Variants in RPN1 observed in about 807,000 individuals in gnomAD.
RPN1 encodes ribophorin I, also known as dolichyl-diphosphooligosaccharide--protein glycosyltransferase subunit 1.
Under a neutral mutation model 55.5 loss-of-function variants are expected in RPN1, and 12 were observed. The observed-to-expected ratio is 0.22, with a 90% CI of 0.14 to 0.35. RPN1 has a LOEUF of 0.35. Among genes scored for constraint, RPN1 ranks in the 10% least tolerant of loss-of-function variants. The pLI, the probability that RPN1 is intolerant of heterozygous loss-of-function variation, is 1.00. For missense variants in RPN1, 679 were observed against 761.3 expected (o/e 0.89, Z 1.27); for synonymous variants, 317 against 305.9 (o/e 1.04, Z -0.38).
At position 128,620,393 on chromosome 3, in the gene RPN1, G is replaced by A; in HGVS notation, c.*18C>T. 6.2e-7 allele frequency: 1 copy of A among 1,601,814 alleles called. No homozygotes were observed. The highest frequency in any genetic ancestry group is 8.5e-7 in the Non-Finnish European group (1 of 1,171,496). ...AAAGTGCAGGCACCCTGGGCCCCCT[G>A]GAGGATGCGGGCAGGGGCTACAGGG... On this transcript the variant is annotated 3_prime_UTR_variant, in exon 10 of 10. Coordinates refer to ENST00000296255, the MANE Select transcript of RPN1 (RefSeq NM_002950.4).
At position 128,620,576 on chromosome 3, in the gene RPN1, C is replaced by T. The variant is rs2069551891; in HGVS notation, c.1659G>A (p.Lys553=). The T allele has an allele frequency of 6.2e-7, 1 of 1,613,504 alleles. No homozygotes were observed. Among genetic ancestry groups the T allele is most frequent in the South Asian group, 1.1e-5 (1 of 90,954 alleles). Residue 553 remains lysine, a synonymous_variant, in exon 10 of 10, where the codon AAG becomes AAA. Transcript: ENST00000296255. ...DLCDRVSEMQ[K]LDAQVKELVL... is the part of the protein sequence containing the mutation. ...CCAGCTCCTTGACCTGTGCATCCAG[C>T]TTCTGCATTTCGCTCACCTGGCCGA... is the stretch of plus-strand genomic sequence containing the variant.
At position 128,620,610 on chromosome 3, in the gene RPN1, C is replaced by G. The variant is rs552891639; in HGVS notation, c.1642-17G>C. ...TTCGCTCACCTGGCCGAGGCAAGAG[C>G]AGGGCAGGACTTGTGAGCTGTCCTC... On this transcript the variant is annotated splice_polypyrimidine_tract_variant and intron_variant, in intron 9 of 9. Transcript: ENST00000296255. The G allele has an allele frequency of 2.5e-6, 4 of 1,608,584 alleles. No individual in the cohort carries two copies. The highest frequency in any genetic ancestry group is 2.2e-5 in the South Asian group (2 of 90,442).
At chr3:128,644,534 C>T in intron 2 of RPN1, 2 of 428,068 alleles carry the variant, frequency 4.7e-6, no homozygotes, top group South Asian at 1.8e-5. Flanking sequence ...GTGGTACATA[C>T]CTCTAGTCCC....
chr3:128,645,358 T>C (rs1193815559), intron 1 of RPN1, among the ~76,000 whole-genome samples: 1 of 151,828 alleles, frequency 6.6e-6, no homozygotes, highest in Non-Finnish European at 1.5e-5. Context: ...TAATCCCAGC[T>C]ACTCGGGAGG....
chr3:128,620,783 T>C (rs1000940872), intron 9 of RPN1, among the ~76,000 whole-genome samples, 190 bp from the exon 10 acceptor site: 1 of 152,132 alleles, frequency 6.6e-6, no homozygotes, highest in Non-Finnish European at 1.5e-5. Flanking sequence ...AAATGCCAAC[T>C]TCACCACCCA....
rs1418789321 is a variant in RPN1, at chr3:128,632,005, T to C, written c.786A>G (p.Ser262=). The change falls in exon 4 of 10, where the codon TCA becomes TCG. Residue 262 remains serine (S), a synonymous_variant. Coordinates refer to ENST00000296255, the MANE Select transcript of RPN1 (RefSeq NM_002950.4). The stretch of plus-strand genomic sequence containing the variant: ...CTGGCTGTCTCTGGTAATCATAGCG[T>C]GAGAAAGGCCCCTTAAGCACAGCTC... ...HTGAVLKGPF[S]RYDYQRQPDS... 1 of 1,614,074 alleles carries C rather than the reference T, an allele frequency of 6.2e-7. No individual in the cohort carries two copies. The highest frequency in any genetic ancestry group is 1.3e-5 in the African/African-American group (1 of 74,920).
chr3:128,649,889 A>C (rs2069802591), intron 1 of RPN1, among the ~76,000 whole-genome samples: 1 of 152,238 alleles, frequency 6.6e-6, no homozygotes, highest in Non-Finnish European at 1.5e-5. Flanking sequence ...TTTAACATTT[A>C]GAAAGCGTTC....
At chr3:128,624,179 A>G (rs1224177672) in intron 8 of RPN1, among the ~76,000 whole-genome samples, 1 of 152,046 alleles carries the variant, frequency 6.6e-6, no homozygotes, top group Non-Finnish European at 1.5e-5. Context: ...TGTATTTCCT[A>G]TCTGCATTTG....
intron 9 of RPN1, among the ~76,000 whole-genome samples, chr3:128,620,931 G>C (rs2069554029): frequency 6.6e-6 from 1 of 152,152 alleles, no homozygotes; most frequent in African/African-American, 2.4e-5. Flanking sequence ...GCTCCTCTAT[G>C]AACATCACTT....
chr3:128,632,752 A>C (rs192001104), intron 3 of RPN1, among the ~76,000 whole-genome samples: 1 of 152,182 alleles, frequency 6.6e-6, no homozygotes, highest in East Asian at 1.9e-4. Flanking sequence ...GTGCCACCAC[A>C]TCTGGCTAAT....
At chr3:128,639,237 G>A (rs2069706544) in intron 2 of RPN1, among the ~76,000 whole-genome samples, 1 of 152,098 alleles carries the variant, frequency 6.6e-6, no homozygotes, top group Non-Finnish European at 1.5e-5. Flanking sequence ...TGGATCACGA[G>A]GTCAGGAGAT....
chr3:128,620,597 G>T lies in RPN1; in HGVS notation c.1642-4C>A. The stretch of plus-strand genomic sequence containing the variant: ...CCAGCTTCTGCATTTCGCTCACCTG[G>T]CCGAGGCAAGAGCAGGGCAGGACTT... On this transcript the variant is annotated splice_region_variant and splice_polypyrimidine_tract_variant and intron_variant, in intron 9 of 9. Transcript: ENST00000296255. The T allele has an allele frequency of 6.2e-7, 1 of 1,612,330 alleles. No individual in the cohort carries two copies.
At position 128,622,309 on chromosome 3, in the gene RPN1, G is replaced by T; in HGVS notation, c.1496C>A (p.Thr499Asn). 1 of 1,614,198 alleles carries T rather than the reference G, an allele frequency of 6.2e-7. No individual in the cohort carries two copies. Among genetic ancestry groups the T allele is most frequent in the South Asian group, 1.1e-5 (1 of 91,090 alleles). Residue 499 changes from threonine (T) to asparagine (N), a missense_variant, in exon 9 of 10, where the codon ACC becomes AAC. This residue lies in a region of RPN1 where 306 missense variants were observed against 360.0 expected (regional missense o/e 0.85). Coordinates refer to ENST00000296255, the MANE Select transcript of RPN1 (RefSeq NM_002950.4). ...RIGLYRHFDE[T>N]VNRYKQSRDI... is the part of the protein sequence containing the mutation. ...CCGGGATTGCTTGTACCTATTGACG[G>T]TCTCGTCAAAGTGACGGTAAAGGCC... is the stretch of plus-strand genomic sequence containing the variant.
In RPN1 at chr3:128,630,121, TG is replaced by T; in HGVS notation, c.865del (p.Gln289ArgfsTer24). The T allele has an allele frequency of 6.2e-7, 1 of 1,613,324 alleles. No homozygotes were observed. Among genetic ancestry groups the T allele is most frequent in the Non-Finnish European group, 8.5e-7 (1 of 1,179,476 alleles). ...SFKTILPAAA[Q>X]DVYYRDEIGN... Reference sequence around the variant, plus strand: ...AATCTCATCCCGGTAATAAACATCCTGGGCAGCAGCAGGAAGGATGGTCTGC... The same window carrying T: ...AATCTCATCCCGGTAATAAACATCCTGGCAGCAGCAGGAAGGATGGTCTGC... On this transcript the variant is annotated frameshift_variant, in exon 5 of 10. Transcript: ENST00000296255. LOFTEE classifies it high-confidence loss of function.
intron 2 of RPN1, among the ~76,000 whole-genome samples, chr3:128,638,382 T>C (rs1373832235): frequency 1.3e-5 from 2 of 152,218 alleles, no homozygotes; most frequent in Non-Finnish European, 2.9e-5. Context: ...TGTTTTTAAC[T>C]TTTGTTCCAT....
chr3:128,643,019 CA>C (rs565238222), intron 2 of RPN1, among the ~76,000 whole-genome samples: 17 of 128,448 alleles, frequency 1.3e-4, no homozygotes, highest in Admixed American at 2.5e-4. Flanking sequence ...AATTCCGTCT[CA>C]AAAAAAAAAG....
At chr3:128,636,188 C>G (rs1191928034) in intron 3 of RPN1, among the ~76,000 whole-genome samples, 1 of 152,192 alleles carries the variant, frequency 6.6e-6, no homozygotes, top group Non-Finnish European at 1.5e-5. Context: ...AGGCTGGGCG[C>G]AGTGACTCAC....
intron 2 of RPN1, 34 bp downstream of exon 2, chr3:128,644,884 TA>T (rs1438059254): frequency 8.4e-7 from 1 of 1,189,160 alleles, no homozygotes; most frequent in Non-Finnish European, 1.3e-6. Context: ...ACATAACCTT[TA>T]ACAAGAGACA....
At chr3:128,632,384 A>G (rs1017060618) in intron 3 of RPN1, among the ~76,000 whole-genome samples, 2 of 152,230 alleles carry the variant, frequency 1.3e-5, no homozygotes, top group African/African-American at 4.8e-5. Context: ...ACACAAAAAA[A>G]TAATGTGTCT....
Sources: allele counts gnomAD v4.1 joint callset (sites outside exome capture counted in the v4.1 genomes callset), GRCh38; gene constraint gnomAD v4.1.1; regional missense constraint gnomAD v4.1.1; transcripts MANE v1.5; gene names NCBI Gene and HGNC (gene_info 2026-07-23, HGNC 2026-07-21).